MACROD2: variants seen among roughly 807,000 people sequenced by gnomAD.
MACROD2 encodes mono-ADP ribosylhydrolase 2, also known as ADP-ribose glycohydrolase MACROD2.
MACROD2 carries 36 observed loss-of-function variants against 70.4 expected under a neutral mutation model. The ratio of observed to expected loss-of-function variants is 0.51; its 90% confidence interval spans 0.39 to 0.68. The LOEUF is 0.68. Ranked by LOEUF, MACROD2 falls within the 30% of genes least tolerant of loss-of-function variation. The pLI, the probability that MACROD2 is intolerant of heterozygous loss-of-function variation, is 0.00. For missense variants in MACROD2, 496 were observed against 538.4 expected, an observed-to-expected ratio of 0.92 and a Z score of 0.78; for synonymous variants, 172 against 178.8, an observed-to-expected ratio of 0.96 and a Z score of 0.30.
At chr20:15,906,074 G>A (rs569491995) in intron 10 of MACROD2, among the ~76,000 whole-genome samples, 1 of 152,340 alleles carries the variant, frequency 6.6e-6, no homozygotes, top group African/African-American at 2.4e-5. Flanking sequence ...AAGGAAAGTA[G>A]ATATGGGGTT....
chr20:15,276,398 T>C lies in MACROD2; in HGVS notation c.540+46337T>C, dbSNP rs1600184296. Among the ~76,000 whole-genome samples the C allele has an allele frequency of 1.3e-4, 4 of 31,556 alleles. 1 individual carries two copies. The highest frequency in any genetic ancestry group is 5.7e-4 in the African/African-American group (4 of 7,072). 20.7% of individuals were successfully genotyped at this position (31,556 alleles called of 152,430 possible). A position where few individuals can be genotyped will look rare whatever the true frequency, so the allele number is the denominator to read the frequency against. On this transcript the variant is annotated intron_variant, in intron 6 of 17. Transcript: ENST00000684519. The stretch of plus-strand genomic sequence containing the variant: ...CTGGGCGACAGAGAGAGACTCCCTC[T>C]CAAAAAAATAAAAAAATAAAAAAAT...
intron 6 of MACROD2, among the ~76,000 whole-genome samples, chr20:15,283,618 G>A (rs886456017): frequency 6.0e-4 from 91 of 152,204 alleles, no homozygotes; most frequent in African/African-American, 2.1e-3. Flanking sequence ...GTTGCAGTGA[G>A]CCGAGTTCAC....
intron 10 of MACROD2, among the ~76,000 whole-genome samples, chr20:15,915,357 A>C (rs2065298682): frequency 6.6e-6 from 1 of 152,150 alleles, no homozygotes; most frequent in Non-Finnish European, 1.5e-5. Context: ...GACTTATGAA[A>C]CAAAAGATGC....
intron 7 of MACROD2, among the ~76,000 whole-genome samples, chr20:15,484,726 G>A (rs2047143003): frequency 6.6e-6 from 1 of 152,182 alleles, no homozygotes; most frequent in South Asian, 2.1e-4. Flanking sequence ...CCAGCTCCTG[G>A]AGGTAAAAAC....
intron 5 of MACROD2, among the ~76,000 whole-genome samples, chr20:14,932,790 A>T (rs1029562969): frequency 6.6e-6 from 1 of 151,838 alleles, no homozygotes; most frequent in Non-Finnish European, 1.5e-5. Flanking sequence ...CTAGTCTCAA[A>T]CTCCTGACCT....
intron 3 of MACROD2, among the ~76,000 whole-genome samples, chr20:14,158,708 C>T (rs566310998): frequency 5.9e-5 from 9 of 152,220 alleles, no homozygotes; most frequent in African/African-American, 2.2e-4. Flanking sequence ...TGTCAAAAAT[C>T]AGTTGGCTGT....
intron 12 of MACROD2, among the ~76,000 whole-genome samples, chr20:15,943,928 A>G (rs2065785415): frequency 1.3e-5 from 2 of 152,150 alleles, no homozygotes; most frequent in Non-Finnish European, 2.9e-5. Flanking sequence ...TAGGAAAATA[A>G]AAGTCTTTAT....
intron 3 of MACROD2, among the ~76,000 whole-genome samples, chr20:14,460,267 T>C (rs909627972): frequency 1.3e-5 from 2 of 152,130 alleles, no homozygotes; most frequent in Non-Finnish European, 2.9e-5. Flanking sequence ...GGTCAAATGG[T>C]ATTTCTGGTT....
chr20:15,315,833 T>C (rs1395874763), intron 6 of MACROD2, among the ~76,000 whole-genome samples: 1 of 152,184 alleles, frequency 6.6e-6, no homozygotes, highest in African/African-American at 2.4e-5. Context: ...TGATTTCTTA[T>C]ATGATTTAAA....
intron 5 of MACROD2, among the ~76,000 whole-genome samples, chr20:15,018,993 T>C (rs914508173): frequency 3.3e-5 from 5 of 152,180 alleles, no homozygotes; most frequent in African/African-American, 9.6e-5. Context: ...TGCAGAATCA[T>C]TGGCCAAATT....
intron 7 of MACROD2, among the ~76,000 whole-genome samples, chr20:15,457,085 G>C (rs1257355580): frequency 1.6e-5 from 2 of 127,566 alleles, no homozygotes; most frequent in Non-Finnish European, 3.3e-5. Context: ...TAAAAAAAAA[G>C]CATTTGACTT....
Position 14,788,359 on chromosome 20 carries a change from C to T in MACROD2, c.418+103400C>T, listed in dbSNP as rs370633955. 1.2e-3 allele frequency among the ~76,000 whole-genome samples: 184 copies of T among 151,874 alleles called. 1 individual carries two copies. Among genetic ancestry groups the T allele is most frequent in the African/African-American group, 1.7e-3 (70 of 41,376 alleles). On this transcript the variant is annotated intron_variant, in intron 5 of 17. Transcript: ENST00000684519. ...CAGCACTTTGGGAGGCCAAGGCGGG[C>T]GGATTGCTTGAGTCCAAGAGTTCAA...
intron 4 of MACROD2, among the ~76,000 whole-genome samples, chr20:14,501,470 A>ATTT (rs567759521): frequency 7.0e-6 from 1 of 143,302 alleles, no homozygotes; most frequent in Non-Finnish European, 1.5e-5. Context: ...ATACGTTTCT[A>ATTT]TTTTTTTTTT....
chr20:15,982,172 G>C (rs1459936735), intron 13 of MACROD2, among the ~76,000 whole-genome samples: 1 of 152,106 alleles, frequency 6.6e-6, no homozygotes, highest in Non-Finnish European at 1.5e-5. Flanking sequence ...TAAAGACTGT[G>C]ATCATGGGGG....
intron 3 of MACROD2, among the ~76,000 whole-genome samples, chr20:14,306,040 G>T (rs2082518507): frequency 6.6e-6 from 1 of 151,670 alleles, no homozygotes; most frequent in Non-Finnish European, 1.5e-5. Flanking sequence ...CCTCTCATTT[G>T]TCTTATCTCT....
At chr20:15,243,387 AG>A (rs1370348894) in intron 6 of MACROD2, among the ~76,000 whole-genome samples, 3 of 152,210 alleles carry the variant, frequency 2.0e-5, no homozygotes, top group Non-Finnish European at 2.9e-5. Flanking sequence ...AGTGATGAAA[AG>A]GGTAATAGGC....
At chr20:14,376,631 T>A (rs1389424694) in intron 3 of MACROD2, among the ~76,000 whole-genome samples, 1 of 151,890 alleles carries the variant, frequency 6.6e-6, no homozygotes, top group Non-Finnish European at 1.5e-5. Context: ...GTGCCTATAG[T>A]CCCAGCTTCT....
At chr20:15,694,644 A>T (rs961736106) in intron 8 of MACROD2, among the ~76,000 whole-genome samples, 2 of 151,974 alleles carry the variant, frequency 1.3e-5, no homozygotes, top group Non-Finnish European at 2.9e-5. Context: ...TAGACTGTGA[A>T]GTTTTTCTCC....
At chr20:14,220,319 G>A (rs2081660192) in intron 3 of MACROD2, among the ~76,000 whole-genome samples, 1 of 151,998 alleles carries the variant, frequency 6.6e-6, no homozygotes, top group South Asian at 2.1e-4. Context: ...GGGGGAAAGG[G>A]GGCAGTCACA....
Sources: allele counts gnomAD v4.1 joint callset (sites outside exome capture counted in the v4.1 genomes callset), GRCh38; gene constraint gnomAD v4.1.1; transcripts MANE v1.5; gene names NCBI Gene and HGNC (gene_info 2026-07-23, HGNC 2026-07-21).